PLCG2: variants seen among roughly 807,000 people sequenced by gnomAD.
PLCG2 encodes the protein 1-phosphatidylinositol 4,5-bisphosphate phosphodiesterase gamma-2.
A neutral mutation model predicts 175.6 loss-of-function variants in PLCG2; 69 were observed. The ratio of observed to expected loss-of-function variants is 0.39; its 90% CI spans 0.32 to 0.48. The LOEUF is 0.48. Ranked by LOEUF, PLCG2 falls within the 20% of genes least tolerant of loss-of-function variation. The pLI is 0.91. For missense variants in PLCG2, 1,798 were observed against 1,650.9 expected, an observed-to-expected ratio of 1.09 and a Z score of -1.54; for synonymous variants, 827 against 624.0, an observed-to-expected ratio of 1.33 and a Z score of -4.85.
intron 2 of PLCG2, among the ~76,000 whole-genome samples, chr16:81,838,881 T>A (rs1012163678): frequency 6.6e-6 from 1 of 151,800 alleles, no homozygotes; most frequent in Non-Finnish European, 1.5e-5. Flanking sequence ...TGGGTCCACC[T>A]CTGTGGCCAT....
intron 2 of PLCG2, among the ~76,000 whole-genome samples, chr16:81,843,873 T>C (rs535909725): frequency 1.3e-5 from 2 of 152,374 alleles, no homozygotes; most frequent in Admixed American, 1.3e-4. Context: ...GTTGTGTGTC[T>C]AACTGCTTCT....
chr16:81,911,279 A>G (rs1468544122), intron 18 of PLCG2, among the ~76,000 whole-genome samples: 2 of 152,026 alleles, frequency 1.3e-5, no homozygotes, highest in East Asian at 1.9e-4. Context: ...ATTGCCTCTT[A>G]AAACTTGCTA....
chr16:81,801,756 C>G (rs1162634941), intron 2 of PLCG2, among the ~76,000 whole-genome samples: 1 of 152,092 alleles, frequency 6.6e-6, no homozygotes, highest in Non-Finnish European at 1.5e-5. Context: ...TCTCAGCTCA[C>G]TGCAACCTCC....
intron 2 of PLCG2, among the ~76,000 whole-genome samples, chr16:81,809,833 G>T: frequency 9.7e-6 from 1 of 102,718 alleles, no homozygotes; most frequent in Non-Finnish European, 1.8e-5. Context: ...GGCCGGGGCG[G>T]GGGGTGGGGT....
intron 5 of PLCG2, 186 bp downstream of exon 5, chr16:81,859,349 T>A: frequency 1.8e-6 from 1 of 546,404 alleles, no homozygotes; most frequent in Non-Finnish European, 3.3e-6. Flanking sequence ...GGAGGGAGCC[T>A]CTATTCCGCA....
intron 19 of PLCG2, among the ~76,000 whole-genome samples, chr16:81,915,140 C>T (rs1330447777): frequency 6.6e-6 from 1 of 152,088 alleles, no homozygotes; most frequent in Admixed American, 6.6e-5. Context: ...GTGATGAGTG[C>T]TACAAAGGGA....
chr16:81,762,622 A>G (rs1910065289), intron 2 of PLCG2, among the ~76,000 whole-genome samples: 2 of 152,136 alleles, frequency 1.3e-5, no homozygotes, highest in Non-Finnish European at 2.9e-5. Flanking sequence ...CATAAGGAAC[A>G]GAGTCCTATA....
intron 2 of PLCG2, among the ~76,000 whole-genome samples, chr16:81,808,159 A>G (rs1291552872): frequency 5.3e-5 from 8 of 152,304 alleles, no homozygotes; most frequent in South Asian, 2.1e-4. Flanking sequence ...TACACCTAGG[A>G]GTGGAATTGC....
At chr16:81,894,574 G>A (rs1908790916) in intron 12 of PLCG2, among the ~76,000 whole-genome samples, 1 of 152,164 alleles carries the variant, frequency 6.6e-6, no homozygotes, top group Admixed American at 6.5e-5. Context: ...GCATTTGGCT[G>A]AGAAAAGGCA....
chr16:81,783,438 C>A (rs1317823270), intron 1 of PLCG2, among the ~76,000 whole-genome samples: 3 of 152,114 alleles, frequency 2.0e-5, no homozygotes, highest in Admixed American at 1.3e-4. Context: ...ATCTGTGTGA[C>A]CTCGGATAAG....
intron 1 of PLCG2, among the ~76,000 whole-genome samples, chr16:81,746,960 T>G (rs4603553): frequency 0.96 from 146,636 of 152,264 alleles, 70,768 homozygotes; most frequent in East Asian, 1. Context: ...AGGCAAAAAC[T>G]TAAGGAAATC....
chr16:81,880,217 G>A (rs117654596), intron 7 of PLCG2, among the ~76,000 whole-genome samples: 177 of 152,278 alleles, frequency 1.2e-3, no homozygotes, highest in Non-Finnish European at 1.5e-3. Context: ...CTCCAGCCTG[G>A]GTAACAGTGA....
intron 2 of PLCG2, among the ~76,000 whole-genome samples, chr16:81,772,404 T>A (rs556675323): frequency 6.6e-6 from 1 of 152,120 alleles, no homozygotes; most frequent in Admixed American, 6.6e-5. Flanking sequence ...AACTGTGAGA[T>A]GATATATCTC....
intron 1 of PLCG2, among the ~76,000 whole-genome samples, chr16:81,784,461 C>CTG (rs1181047851): frequency 1.3e-5 from 2 of 152,190 alleles, no homozygotes; most frequent in African/African-American, 4.8e-5. Flanking sequence ...CTGAGCCCGG[C>CTG]TGGAAGCACA....
At chr16:81,779,285 C>G (rs1254586231), upstream of PLCG2, 1 of 150,674 alleles carries the variant, frequency 6.6e-6, no homozygotes, top group African/African-American at 2.4e-5. Context: ...GCGCCGCGGC[C>G]GAAGCAGAAG....
chr16:81,896,673 T>A (rs776208963), intron 13 of PLCG2, among the ~76,000 whole-genome samples: 13 of 152,176 alleles, frequency 8.5e-5, no homozygotes, highest in Admixed American at 6.5e-4. Context: ...TTGTGCCCAG[T>A]TCTCACCCCC....
At chr16:81,903,007 G>T (rs1909217295) in intron 14 of PLCG2, among the ~76,000 whole-genome samples, 1 of 152,130 alleles carries the variant, frequency 6.6e-6, no homozygotes, top group African/African-American at 2.4e-5. Context: ...ATGACACGTG[G>T]GAATTATAGG....
At chr16:81,907,605 G>T in intron 15 of PLCG2, 80 bp from the exon 16 acceptor site, 1 of 892,898 alleles carries the variant, frequency 1.1e-6, no homozygotes, top group South Asian at 1.4e-5. Context: ...ATGCTGGGGT[G>T]ACGCCCTGCA....
At chr16:81,895,998 A>G in intron 13 of PLCG2, 71 bp downstream of exon 13, 1 of 1,579,418 alleles carries the variant, frequency 6.3e-7, no homozygotes, top group Non-Finnish European at 8.7e-7. Context: ...ACAGATGGAC[A>G]GACAGGCAAA....
Sources: allele counts gnomAD v4.1 joint callset (sites outside exome capture counted in the v4.1 genomes callset), GRCh38; gene constraint gnomAD v4.1.1; transcripts MANE v1.5; gene names NCBI Gene and HGNC (gene_info 2026-07-23, HGNC 2026-07-21).